Variants in SHISA9 observed in about 807,000 individuals in gnomAD.
SHISA9 encodes protein shisa-9.
A neutral mutation model predicts 38.0 loss-of-function variants in SHISA9; 13 were observed. That is an observed-to-expected ratio of 0.34 (90% CI 0.22 to 0.54). The LOEUF is 0.54. SHISA9 is among the 20% of genes least tolerant of loss of function. The pLI is 0.91. For missense variants in SHISA9, 538 were observed against 575.8 expected, an observed-to-expected ratio of 0.93 and a Z score of 0.67; for synonymous variants, 275 against 242.0, an observed-to-expected ratio of 1.14 and a Z score of -1.27.
In SHISA9 at chr16:12,922,077, C is replaced by G. The variant is rs552671297; in HGVS notation, c.691+5262C>G. Among the ~76,000 whole-genome samples, 36 of 152,290 alleles carry G rather than the reference C, an allele frequency of 2.4e-4. No homozygotes were observed. In the South Asian group the frequency reaches 7.5e-3, roughly 32 times the overall value. On this transcript the variant is annotated intron_variant, in intron 2 of 4. Transcript: ENST00000558583. Reference sequence around the variant, plus strand: ...ACTGAGCCAGTCAGGGCCCCAAGGTCTGTGATTATAACCACTACATTCTAT... The same window carrying G: ...ACTGAGCCAGTCAGGGCCCCAAGGTGTGTGATTATAACCACTACATTCTAT...
chr16:13,009,287 G>T (rs760730155), intron 2 of SHISA9, among the ~76,000 whole-genome samples: 1 of 152,130 alleles, frequency 6.6e-6, no homozygotes, highest in Non-Finnish European at 1.5e-5. Context: ...AACCACTGTG[G>T]CTTGTAGAGG....
At chr16:13,171,479 G>A (rs531606488) in intron 2 of SHISA9, among the ~76,000 whole-genome samples, 1 of 147,284 alleles carries the variant, frequency 6.8e-6, no homozygotes, top group Non-Finnish European at 1.5e-5. Context: ...CATTGATACA[G>A]CAGGGGGCGG....
the SHISA9 span, among the ~76,000 whole-genome samples, chr16:13,293,177 C>T: frequency 1.3e-5 from 2 of 152,136 alleles, no homozygotes; most frequent in African/African-American, 4.8e-5. Flanking sequence ...CAAGTTATTT[C>T]AGATAACAGT....
chr16:13,171,424 C>A (rs2050685411), intron 2 of SHISA9, among the ~76,000 whole-genome samples: 1 of 150,012 alleles, frequency 6.7e-6, no homozygotes, highest in African/African-American at 2.5e-5. Flanking sequence ...GGGTAGATGT[C>A]ATGGAGGAGG....
intron 2 of SHISA9, among the ~76,000 whole-genome samples, chr16:13,078,442 G>T (rs2073609580): frequency 6.6e-6 from 1 of 151,236 alleles, no homozygotes; most frequent in Non-Finnish European, 1.5e-5. Context: ...GTCTCATTCT[G>T]TCACCCAGAC....
intron 2 of SHISA9, among the ~76,000 whole-genome samples, chr16:13,155,957 C>A (rs186763377): frequency 6.6e-6 from 1 of 152,016 alleles, no homozygotes; most frequent in Non-Finnish European, 1.5e-5. Context: ...AATGTGTTTG[C>A]GGGGATGCCA....
chr16:13,230,707 A>T (rs1025495545), intron 4 of SHISA9, among the ~76,000 whole-genome samples: 1 of 152,224 alleles, frequency 6.6e-6, no homozygotes, highest in African/African-American at 2.4e-5. Flanking sequence ...ATTAAGTTTA[A>T]TAAGAAGTAG....
At chr16:13,090,370 T>A (rs924636859) in intron 2 of SHISA9, among the ~76,000 whole-genome samples, 1 of 152,214 alleles carries the variant, frequency 6.6e-6, no homozygotes, top group Non-Finnish European at 1.5e-5. Flanking sequence ...TAACCTTCTG[T>A]CTCACTGATC....
At chr16:13,049,921 A>C (rs1185642987) in intron 2 of SHISA9, among the ~76,000 whole-genome samples, 2 of 151,986 alleles carry the variant, frequency 1.3e-5, no homozygotes, top group African/African-American at 4.8e-5. Context: ...TTGTTTTGTC[A>C]TTTGCCCCAT....
chr16:13,348,917 G>T, the SHISA9 span, among the ~76,000 whole-genome samples: 2 of 152,028 alleles, frequency 1.3e-5, no homozygotes, highest in African/African-American at 4.8e-5. Flanking sequence ...CATTTGCCTC[G>T]GACTAACATC....
intron 2 of SHISA9, among the ~76,000 whole-genome samples, chr16:12,932,315 C>A (rs1379157652): frequency 3.9e-5 from 6 of 152,116 alleles, no homozygotes; most frequent in Non-Finnish European, 8.8e-5. Flanking sequence ...ATTTACTTCA[C>A]AACTCTGCAA....
At chr16:13,451,544 C>G in the SHISA9 span, among the ~76,000 whole-genome samples, 1 of 152,104 alleles carries the variant, frequency 6.6e-6, no homozygotes, top group African/African-American at 2.4e-5. Flanking sequence ...AATGGGCAGA[C>G]CTGGTGATCA....
intron 2 of SHISA9, among the ~76,000 whole-genome samples, chr16:12,978,080 A>G (rs1290793884): frequency 6.6e-6 from 1 of 152,210 alleles, no homozygotes; most frequent in African/African-American, 2.4e-5. Flanking sequence ...GTTGGTGCAA[A>G]GACAGGCAAG....
chr16:13,469,330 G>GA, the SHISA9 span, among the ~76,000 whole-genome samples: 2 of 100,948 alleles, frequency 2.0e-5, no homozygotes, highest in African/African-American at 7.1e-5. Context: ...GAGAAAGAAA[G>GA]AAAGAAAGAA....
the SHISA9 span, among the ~76,000 whole-genome samples, chr16:13,478,843 G>A: frequency 1.1e-4 from 17 of 152,216 alleles, 1 homozygote; most frequent in Admixed American, 9.8e-4. Flanking sequence ...GTGGTGCTTG[G>A]GGACCTGTAC....
At chr16:12,902,731 G>A (rs879437107) in intron 1 of SHISA9, 104 bp downstream of exon 1, 101 of 1,209,320 alleles carry the variant, frequency 8.4e-5, no homozygotes, top group Non-Finnish European at 1.1e-4. Context: ...CCCGCTCCCC[G>A]CATCCCAGCC....
At chr16:12,903,024 G>A (rs2071041526) in intron 1 of SHISA9, 1 of 188,428 alleles carries the variant, frequency 5.3e-6, no homozygotes, top group Non-Finnish European at 1.1e-5. Flanking sequence ...TTGGTAAACA[G>A]GGGCAGGCGA....
At chr16:13,522,044 A>G in the SHISA9 span, among the ~76,000 whole-genome samples, 1 of 152,228 alleles carries the variant, frequency 6.6e-6, no homozygotes, top group African/African-American at 2.4e-5. Flanking sequence ...AACGAACTTG[A>G]CAGGCGCTTC....
intron 2 of SHISA9, among the ~76,000 whole-genome samples, chr16:13,105,915 C>T (rs542015818): frequency 5.3e-5 from 8 of 152,216 alleles, no homozygotes; most frequent in Non-Finnish European, 8.8e-5. Context: ...CATCATTTGG[C>T]TTCTATCATA....
Sources: gnomAD v4.1 joint callset for allele counts (sites outside exome capture counted in the v4.1 genomes callset) on GRCh38, gnomAD v4.1.1 for gene constraint, MANE v1.5 for transcripts, NCBI Gene and HGNC (gene_info 2026-07-23, HGNC 2026-07-21) for gene names.